Variants in MRPL13 observed in about 807,000 individuals in gnomAD.
MRPL13 encodes mitochondrial ribosomal protein L13.
MRPL13 carries 33 observed loss-of-function variants against 29.0 expected under a neutral mutation model. That is an observed-to-expected ratio of 1.14 (90% CI 0.86 to 1.52). The LOEUF (loss-of-function observed/expected upper bound fraction) is 1.52. Among genes scored for constraint, MRPL13 ranks in the 40% most tolerant of loss-of-function variants. MRPL13 has a pLI of 0.00. For synonymous variants in MRPL13, 77 were observed against 68.4 expected (o/e 1.13, Z -0.62); for missense variants, 227 against 216.7 (o/e 1.05, Z -0.30).
chr8:120,440,376 G>T (rs1813103727), intron 2 of MRPL13, among the ~76,000 whole-genome samples: 1 of 152,226 alleles, frequency 6.6e-6, no homozygotes, highest in Admixed American at 6.5e-5. Context: ...GGAGGCCAAG[G>T]TGGGTGGATC....
chr8:120,443,013 T>C (rs1813141385), intron 2 of MRPL13, among the ~76,000 whole-genome samples, 172 bp downstream of exon 2: 1 of 152,194 alleles, frequency 6.6e-6, no homozygotes, highest in African/African-American at 2.4e-5. Flanking sequence ...GGTTTTCCAG[T>C]GAATAAGCCA....
At chr8:120,425,221 T>C in intron 4 of MRPL13, 85 bp downstream of exon 4, 6 of 1,037,490 alleles carry the variant, frequency 5.8e-6, no homozygotes, top group Non-Finnish European at 8.7e-6. Flanking sequence ...GCTAACTATA[T>C]TAAAATAATG....
chr8:120,407,390 A>G (rs1180822886), intron 6 of MRPL13, among the ~76,000 whole-genome samples: 2 of 152,018 alleles, frequency 1.3e-5, no homozygotes, highest in Non-Finnish European at 2.9e-5. Context: ...TATTGGTCCT[A>G]CTTCCCAGCA....
intron 2 of MRPL13, 131 bp downstream of exon 2, chr8:120,443,054 G>T: frequency 2.1e-6 from 2 of 952,708 alleles, no homozygotes; most frequent in Non-Finnish European, 2.9e-6. Context: ...TATGGTTTCA[G>T]CAAGAATGGA....
intron 6 of MRPL13, among the ~76,000 whole-genome samples, chr8:120,413,321 A>G (rs949024720): frequency 1.3e-5 from 2 of 152,232 alleles, no homozygotes; most frequent in Non-Finnish European, 2.9e-5. Flanking sequence ...CAGATAGTAA[A>G]CAGATAATCA....
intron 5 of MRPL13, among the ~76,000 whole-genome samples, chr8:120,417,972 ATAAATT>A (rs1354857470): frequency 6.6e-6 from 1 of 152,156 alleles, no homozygotes; most frequent in African/African-American, 2.4e-5. Flanking sequence ...AACATAAAAA[ATAAATT>A]TAAAGATAGT....
At chr8:120,418,626 T>A (rs1344905720) in intron 5 of MRPL13, among the ~76,000 whole-genome samples, 1 of 151,918 alleles carries the variant, frequency 6.6e-6, no homozygotes. Context: ...AACGGAACTA[T>A]CGTGAATACT....
rs533055732 is a variant in MRPL13 at position 120,411,335 on chromosome 8, T to C, written c.515+2656A>G. Among the ~76,000 whole-genome samples the C allele has an allele frequency of 5.3e-5, 8 of 152,332 alleles. No homozygotes were observed. In the East Asian group the frequency reaches 1.5e-3, roughly 29 times the overall value. ...CTCCTGCCTTGGCCTCCCAAAGTGC[T>C]AGGATTATAGGCATGAGCCACCATG... On this transcript the variant is annotated intron_variant, in intron 6 of 6. Coordinates refer to ENST00000306185, the MANE Select transcript of MRPL13 (RefSeq NM_014078.6).
intron 2 of MRPL13, among the ~76,000 whole-genome samples, chr8:120,441,860 A>C (rs73315151): frequency 0.017 from 2,619 of 152,310 alleles, 73 homozygotes; most frequent in African/African-American, 0.059. Context: ...TGGGGGAATT[A>C]TAATGGCATC....
Position 120,443,627 on chromosome 8 carries a change from T to C in MRPL13, c.28-319A>G, listed in dbSNP as rs187231621. On this transcript the variant is annotated intron_variant, in intron 1 of 6. Coordinates refer to ENST00000306185, the MANE Select transcript of MRPL13 (RefSeq NM_014078.6). ...CCCTTTACGGTATGACTTTTTTTTT[T>C]TTTTTTGTATAACACATAATAGAAT... Among the ~76,000 whole-genome samples, 760 of 151,894 alleles carry C rather than the reference T, an allele frequency of 5.0e-3. 10 individuals carry two copies. The highest frequency in any genetic ancestry group is 0.017 in the African/African-American group (719 of 41,470).
intron 6 of MRPL13, among the ~76,000 whole-genome samples, chr8:120,408,714 T>C (rs1337984919): frequency 6.6e-6 from 1 of 152,216 alleles, no homozygotes; most frequent in Non-Finnish European, 1.5e-5. Flanking sequence ...TCCTTCTACA[T>C]TGTCTTTAAG....
At chr8:120,437,771 T>C (rs998672831) in intron 2 of MRPL13, among the ~76,000 whole-genome samples, 1 of 152,182 alleles carries the variant, frequency 6.6e-6, no homozygotes, top group East Asian at 1.9e-4. Flanking sequence ...GTTCAAATAT[T>C]GTATACATTA....
intron 2 of MRPL13, among the ~76,000 whole-genome samples, chr8:120,440,723 T>TAATA (rs1025505222): frequency 4.7e-5 from 7 of 150,464 alleles, no homozygotes; most frequent in South Asian, 2.1e-4. Flanking sequence ...AATAAAATAA[T>TAATA]AATAAATAAA....
At chr8:120,408,194 G>T (rs184631814) in intron 6 of MRPL13, among the ~76,000 whole-genome samples, 16 of 152,054 alleles carry the variant, frequency 1.1e-4, no homozygotes, top group African/African-American at 3.4e-4. Flanking sequence ...TTCCCTTTCA[G>T]ATCCAGACCT....
At chr8:120,444,730 T>C (rs1033612370) in intron 1 of MRPL13, among the ~76,000 whole-genome samples, 2 of 151,826 alleles carry the variant, frequency 1.3e-5, no homozygotes, top group Non-Finnish European at 2.9e-5. Context: ...CTCCAAAAGG[T>C]CCCCATTTTA....
chr8:120,400,672 A>G (rs944368014), intron 6 of MRPL13, among the ~76,000 whole-genome samples: 1 of 151,406 alleles, frequency 6.6e-6, no homozygotes, highest in African/African-American at 2.4e-5. Flanking sequence ...AAAAAAATCA[A>G]TGAATCCAGG....
At chr8:120,423,687 G>C (rs1048954843) in intron 4 of MRPL13, among the ~76,000 whole-genome samples, 5 of 151,984 alleles carry the variant, frequency 3.3e-5, no homozygotes, top group African/African-American at 4.8e-5. Flanking sequence ...AACAGTTGTA[G>C]ACAAAAAAGG....
At chr8:120,408,806 GT>G (rs1275656437) in intron 6 of MRPL13, among the ~76,000 whole-genome samples, 1 of 152,188 alleles carries the variant, frequency 6.6e-6, no homozygotes, top group Admixed American at 6.5e-5. Context: ...AAAATGGGTA[GT>G]TTTTAGGATT....
chr8:120,440,435 GT>G, intron 2 of MRPL13, among the ~76,000 whole-genome samples: 1 of 152,190 alleles, frequency 6.6e-6, no homozygotes. Flanking sequence ...GTGAAACCCT[GT>G]CTCTACTAAA....
Sources: gnomAD v4.1 joint callset for allele counts (sites outside exome capture counted in the v4.1 genomes callset) on GRCh38, gnomAD v4.1.1 for gene constraint, MANE v1.5 for transcripts, NCBI Gene and HGNC (gene_info 2026-07-23, HGNC 2026-07-21) for gene names.